Variants in DNAH6 observed in about 807,000 individuals in gnomAD.
The protein encoded by DNAH6 is axonemal beta dynein heavy chain 6.
DNAH6 carries 340 observed loss-of-function variants against 491.4 expected under a neutral mutation model. The ratio of observed to expected loss-of-function variants is 0.69; its 90% CI spans 0.63 to 0.76. DNAH6 has a LOEUF of 0.76. Ranked by LOEUF, DNAH6 falls within the 30% of genes least tolerant of loss-of-function variation. The probability of loss-of-function intolerance (pLI) is 0.00; values close to 1 mark genes in which losing one functional copy is unlikely to be tolerated. For missense variants in DNAH6, 4,443 were observed against 4,972.2 expected (o/e 0.89, Z 3.20); for synonymous variants, 1,603 against 1,686.1 (o/e 0.95, Z 1.21).
At chr2:84,599,138 G>A (rs1376991648) in intron 18 of DNAH6, among the ~76,000 whole-genome samples, 3 of 151,080 alleles carry the variant, frequency 2.0e-5, no homozygotes, top group Non-Finnish European at 4.4e-5. Flanking sequence ...TTGATTAAAT[G>A]TCTGTTCAGA....
chr2:84,671,285 C>G (rs758587857), intron 39 of DNAH6, among the ~76,000 whole-genome samples: 10 of 152,168 alleles, frequency 6.6e-5, no homozygotes, highest in Non-Finnish European at 1.2e-4. Flanking sequence ...CCCAAAAGAG[C>G]TGTTTGCAAG....
chr2:84,516,806 AC>A (rs1436833738), intron 1 of DNAH6, among the ~76,000 whole-genome samples: 4 of 152,264 alleles, frequency 2.6e-5, no homozygotes, highest in African/African-American at 7.2e-5. Flanking sequence ...TCAAATCTGG[AC>A]CTGCGCTGTT....
chr2:84,718,516 G>A, intron 59 of DNAH6, 132 bp downstream of exon 59: 2 of 631,512 alleles, frequency 3.2e-6, no homozygotes, highest in Non-Finnish European at 4.8e-6. Flanking sequence ...CACACAGACG[G>A]GTGCCTGCCT....
chr2:84,743,400 G>T (rs1672688348), intron 62 of DNAH6, among the ~76,000 whole-genome samples: 1 of 152,156 alleles, frequency 6.6e-6, no homozygotes, highest in African/African-American at 2.4e-5. Context: ...CTAAAAGTGA[G>T]CTTTAGATAT....
At position 84,653,833 on chromosome 2, in the gene DNAH6, G is replaced by A. The variant is rs1690690810; in HGVS notation, c.5593G>A (p.Glu1865Lys). Residue 1865 changes from glutamate (E) to lysine (K), a missense_variant, in exon 34 of 77, where the codon GAG (glutamate) becomes AAG (lysine). This residue lies in a region of DNAH6 where 2,977 missense variants were observed against 3,296.6 expected (regional missense o/e 0.90). Coordinates refer to ENST00000389394, the MANE Select transcript of DNAH6 (RefSeq NM_001370.2). ...DNKMLCLANS[E>K]RIKLTPQIHM... ...CAAGATGCTTTGCCTGGCTAACAGT[G>A]AGAGGATTAAACTCACACCTCAAAT... The A allele has an allele frequency of 1.3e-6, 2 of 1,551,204 alleles. No individual in the cohort carries two copies. Among genetic ancestry groups the A allele is most frequent in the Non-Finnish European group, 1.7e-6 (2 of 1,146,552 alleles).
At position 84,677,899 on chromosome 2, in the gene DNAH6, G is replaced by C. The variant is rs76875197; in HGVS notation, c.6744+763G>C. Among the ~76,000 whole-genome samples the C allele has an allele frequency of 4.2e-3, 646 of 152,278 alleles. 3 individuals are homozygous for C. The highest frequency in any genetic ancestry group is 0.015 in the African/African-American group (605 of 41,544). The stretch of plus-strand genomic sequence containing the variant: ...TGGGTGAACGCAACTGCAGAGGCAG[G>C]AAATGGTAAGGTGGGCACAAAGGTA... On this transcript the variant is annotated intron_variant, in intron 41 of 76. Coordinates refer to ENST00000389394, the MANE Select transcript of DNAH6 (RefSeq NM_001370.2).
chr2:84,775,442 G>C (rs191750881), intron 64 of DNAH6, among the ~76,000 whole-genome samples: 3 of 152,058 alleles, frequency 2.0e-5, no homozygotes, highest in African/African-American at 7.2e-5. Flanking sequence ...TCGCATCTAT[G>C]TTCATCATAG....
At position 84,517,502 on chromosome 2, in the gene DNAH6, T is replaced by C. The variant is rs1675711470; in HGVS notation, c.-8-317T>C. 2.6e-5 allele frequency among the ~76,000 whole-genome samples: 4 copies of C among 152,228 alleles called. No homozygotes were observed. In the South Asian group the frequency reaches 8.3e-4, roughly 32 times the overall value. On this transcript the variant is annotated intron_variant, in intron 1 of 76. Coordinates refer to ENST00000389394, the MANE Select transcript of DNAH6 (RefSeq NM_001370.2). ...TCTCAATACTAATTACATTTCCTTT[T>C]GTCCTTCCAAATCTAGACCAGTGTG...
chr2:84,671,246 T>A (rs1281660067), intron 39 of DNAH6, among the ~76,000 whole-genome samples: 1 of 152,132 alleles, frequency 6.6e-6, no homozygotes, highest in Non-Finnish European at 1.5e-5. Flanking sequence ...GTGAGGCAGG[T>A]TTTCAGGAGT....
chr2:84,808,658 A>G, intron 72 of DNAH6, 116 bp downstream of exon 72: 1 of 1,034,254 alleles, frequency 9.7e-7, no homozygotes, highest in South Asian at 1.5e-5. Context: ...TACACTAACA[A>G]CTCTTCAAGC....
chr2:84,719,724 A>G (rs961779709), intron 59 of DNAH6, among the ~76,000 whole-genome samples: 15 of 151,854 alleles, frequency 9.9e-5, no homozygotes, highest in East Asian at 3.9e-4. Flanking sequence ...GTGTCTCACC[A>G]TGTTGCCCAG....
At chr2:84,682,696 T>C (rs188538291) in intron 42 of DNAH6, among the ~76,000 whole-genome samples, 2 of 152,192 alleles carry the variant, frequency 1.3e-5, no homozygotes, top group Admixed American at 6.5e-5. Flanking sequence ...AAAACCTCTA[T>C]GCAATCCACA....
At chr2:84,472,830 G>A in the DNAH6 span, among the ~76,000 whole-genome samples, 1 of 152,202 alleles carries the variant, frequency 6.6e-6, no homozygotes, top group African/African-American at 2.4e-5. Flanking sequence ...TGCCTTTGTT[G>A]TACTGCTTGC....
At chr2:84,654,590 G>A in intron 34 of DNAH6, 70 bp from the exon 35 acceptor site, 1 of 1,531,778 alleles carries the variant, frequency 6.5e-7, no homozygotes, top group Non-Finnish European at 8.8e-7. Context: ...TTATAAGTGT[G>A]AACATTGAAG....
chr2:84,554,578 TG>T (rs1679837096), intron 10 of DNAH6, among the ~76,000 whole-genome samples: 1 of 152,260 alleles, frequency 6.6e-6, no homozygotes, highest in African/African-American at 2.4e-5. Flanking sequence ...AAACCGCTTC[TG>T]GGGTTCAGTT....
chr2:84,783,948 A>T (rs2105232769), intron 65 of DNAH6, among the ~76,000 whole-genome samples: 1 of 152,314 alleles, frequency 6.6e-6, no homozygotes, highest in Non-Finnish European at 1.5e-5. Context: ...TCAGAAGGTG[A>T]TATTTGACCA....
At position 84,785,694 on chromosome 2, in the gene DNAH6, A is replaced by T. The variant is rs922866521; in HGVS notation, c.11038A>T (p.Ile3680Leu). 1 of 1,549,090 alleles carries T rather than the reference A, an allele frequency of 6.5e-7. No individual in the cohort carries two copies. Among genetic ancestry groups the T allele is most frequent in the South Asian group, 1.2e-5 (1 of 83,282 alleles). The change falls in exon 67 of 77, where the codon ATA becomes TTA. Residue 3680 changes from isoleucine to leucine, a missense_variant. Transcript: ENST00000389394. ...EMTPSFFEEN[I>L]LGKKWRQIIF... ...GACACCTTCGTTTTTTGAAGAAAAT[A>T]TACTTGGAAAAAAATGGAGACAAAT...
At chr2:84,495,017 C>A in the DNAH6 span, among the ~76,000 whole-genome samples, 2 of 152,162 alleles carry the variant, frequency 1.3e-5, no homozygotes, top group African/African-American at 4.8e-5. Context: ...TCTGTGGAAT[C>A]ACCTGGGGTA....
chr2:84,758,940 G>T (rs981152948), intron 63 of DNAH6, among the ~76,000 whole-genome samples: 1 of 152,074 alleles, frequency 6.6e-6, no homozygotes, highest in Non-Finnish European at 1.5e-5. Context: ...GTCCTAGCCA[G>T]AGCAATCAAG....
Sources: allele counts gnomAD v4.1 joint callset (sites outside exome capture counted in the v4.1 genomes callset), GRCh38; gene constraint gnomAD v4.1.1; regional missense constraint gnomAD v4.1.1; transcripts MANE v1.5; gene names NCBI Gene and HGNC (gene_info 2026-07-23, HGNC 2026-07-21).